Variants in NPNT observed in about 807,000 individuals in gnomAD.
NPNT encodes nephronectin.
Under a neutral mutation model 68.6 loss-of-function variants are expected in NPNT, and 45 were observed. The ratio of observed to expected loss-of-function variants is 0.66; its 90% CI spans 0.52 to 0.84. NPNT has a LOEUF of 0.84. Among genes scored for constraint, NPNT ranks in the 40% least tolerant of loss-of-function variants. The probability of loss-of-function intolerance (pLI) is 0.00; values close to 1 mark genes in which losing one functional copy is unlikely to be tolerated. For missense variants in NPNT, 672 were observed against 714.8 expected (o/e 0.94, Z 0.68); for synonymous variants, 233 against 253.3 (o/e 0.92, Z 0.76).
intron 11 of NPNT, among the ~76,000 whole-genome samples, chr4:105,968,369 A>G (rs1004076278): frequency 6.6e-6 from 1 of 152,272 alleles, no homozygotes; most frequent in Non-Finnish European, 1.5e-5. Context: ...AGGATGCTCT[A>G]TAGAAAATAT....
chr4:105,958,441 AC>A, intron 8 of NPNT, 29 bp from the exon 9 acceptor site: 2 of 1,390,012 alleles, frequency 1.4e-6, no homozygotes, highest in Non-Finnish European at 2.0e-6. Flanking sequence ...ACACACACAC[AC>A]ACAAAAACTC....
At chr4:105,921,663 T>C (rs558292528) in intron 2 of NPNT, among the ~76,000 whole-genome samples, 2 of 152,306 alleles carry the variant, frequency 1.3e-5, no homozygotes, top group South Asian at 4.1e-4. Context: ...TTCTAGGTTT[T>C]GTTCTGCTCA....
chr4:105,967,213 A>C lies in NPNT; in HGVS notation c.1371A>C (p.Ala457=). 6.2e-7 allele frequency: 1 copy of C among 1,613,904 alleles called. No individual in the cohort carries two copies. Among genetic ancestry groups the C allele is most frequent in the South Asian group, 1.1e-5 (1 of 91,064 alleles). Residue 457 remains alanine (A), a synonymous_variant, in exon 11 of 12, where the codon GCA becomes GCC. Coordinates refer to ENST00000379987, the MANE Select transcript of NPNT (RefSeq NM_001033047.3). ...PAGGQYLTVS[A]AKAPGGKAAR... ...GTGGACAATATCTGACAGTGTCGGC[A>C]GCCAAAGCCCCAGGGGGAAAAGCTG...
At chr4:105,951,046 T>C (rs180938341) in intron 8 of NPNT, among the ~76,000 whole-genome samples, 1 of 152,186 alleles carries the variant, frequency 6.6e-6, no homozygotes, top group Admixed American at 6.5e-5. Context: ...ATGTTTCTGA[T>C]CTGCAGTCCC....
At chr4:105,941,552 A>G (rs914904269) in intron 7 of NPNT, among the ~76,000 whole-genome samples, 4 of 152,196 alleles carry the variant, frequency 2.6e-5, no homozygotes, top group Non-Finnish European at 1.5e-5. Flanking sequence ...ACTGAAAACC[A>G]TGGTGCATAA....
intron 3 of NPNT, among the ~76,000 whole-genome samples, chr4:105,934,072 C>G (rs1729331853): frequency 6.6e-6 from 1 of 151,756 alleles, no homozygotes; most frequent in Non-Finnish European, 1.5e-5. Flanking sequence ...ATAAAAACAC[C>G]AAAGTTTTAT....
chr4:105,970,892 C>A lies in NPNT; in HGVS notation c.*1902C>A. 1 of 303,618 alleles carries A rather than the reference C, an allele frequency of 3.3e-6. No individual in the cohort carries two copies. 18.8% of individuals were successfully genotyped at this position (303,618 alleles called of 1,614,324 possible). ...GAGAGGGATTGAAAGGGGAAGAGCCCACCAAATGCTGAGCTCACTGAAATA... is the reference window on the plus strand; with the variant it reads ...GAGAGGGATTGAAAGGGGAAGAGCCAACCAAATGCTGAGCTCACTGAAATA... On this transcript the variant is annotated 3_prime_UTR_variant, in exon 12 of 12. Transcript: ENST00000379987.
In NPNT at chr4:105,895,680, G is replaced by T; in HGVS notation, c.28G>T (p.Val10Leu). 1.9e-6 allele frequency: 3 copies of T among 1,553,612 alleles called. No homozygotes were observed. Among genetic ancestry groups the T allele is most frequent in the Non-Finnish European group, 2.6e-6 (3 of 1,148,214 alleles). Residue 10 changes from valine (V) to leucine (L), a missense_variant, in exon 1 of 12, where the codon GTA (valine) becomes TTA (leucine). By Grantham distance (32) the Val-to-Leu change is conservative. Transcript: ENST00000379987. MDFLLALVLVSSLYLQAAAE... is the reference protein window; with the variant it reads MDFLLALVLLSSLYLQAAAE... ...GGATTTTCTCCTGGCGCTGGTGCTGGTATCCTCGCTCTACCTGCAGGCGGC... is the reference window on the plus strand; with the variant it reads ...GGATTTTCTCCTGGCGCTGGTGCTGTTATCCTCGCTCTACCTGCAGGCGGC...
intron 3 of NPNT, among the ~76,000 whole-genome samples, chr4:105,935,326 C>T (rs1729416736): frequency 6.6e-6 from 1 of 152,214 alleles, no homozygotes. Flanking sequence ...GCTATAATAT[C>T]AAGAAGATTT....
intron 3 of NPNT, 88 bp from the exon 4 acceptor site, chr4:105,936,921 C>T: frequency 1.5e-6 from 2 of 1,344,642 alleles, no homozygotes; most frequent in Admixed American, 2.8e-5. Context: ...TTTTCTCTTT[C>T]ATTTTTTAAT....
At chr4:105,927,519 G>C in intron 3 of NPNT, 91 bp downstream of exon 3, 1 of 635,298 alleles carries the variant, frequency 1.6e-6, no homozygotes, top group Non-Finnish European at 2.6e-6. Context: ...ACTTTCCATG[G>C]CTATTTTTCC....
chr4:105,900,123 A>G (rs915739375), intron 2 of NPNT, among the ~76,000 whole-genome samples: 12 of 152,240 alleles, frequency 7.9e-5, no homozygotes, highest in African/African-American at 2.9e-4. Flanking sequence ...AATGTGAGAA[A>G]TGTTTTTGCC....
intron 2 of NPNT, among the ~76,000 whole-genome samples, chr4:105,925,995 T>C (rs568077676): frequency 6.6e-6 from 1 of 152,280 alleles, no homozygotes; most frequent in Admixed American, 6.5e-5. Flanking sequence ...CACCTGATTG[T>C]TTCTCACTCT....
intron 11 of NPNT, 148 bp from the exon 12 acceptor site, chr4:105,968,747 T>A: frequency 1.7e-6 from 1 of 571,842 alleles, no homozygotes; most frequent in Non-Finnish European, 3.2e-6. Context: ...GAAGCTTCAG[T>A]GATACTGGCA....
At position 105,970,614 on chromosome 4, in the gene NPNT, C is replaced by T. The variant is rs1220720454; in HGVS notation, c.*1624C>T. On this transcript the variant is annotated 3_prime_UTR_variant, in exon 12 of 12. Transcript: ENST00000379987. ...TAGAGTATAAGGGAGCATTTCTTGG[C>T]AGGGGCCATTGTTAGAATACTTCAT... 1.5e-6 allele frequency: 1 copy of T among 659,762 alleles called. No individual in the cohort carries two copies. Among genetic ancestry groups the T allele is most frequent in the African/African-American group, 1.8e-5 (1 of 56,416 alleles). 40.9% of individuals were successfully genotyped at this position (659,762 alleles called of 1,614,324 possible).
intron 3 of NPNT, among the ~76,000 whole-genome samples, chr4:105,933,853 T>C (rs1729314488): frequency 6.6e-6 from 1 of 152,180 alleles, no homozygotes; most frequent in Admixed American, 6.5e-5. Context: ...CCTACTGAAA[T>C]GTATTCCTGA....
At chr4:105,920,416 A>C (rs920501641) in intron 2 of NPNT, among the ~76,000 whole-genome samples, 4 of 151,434 alleles carry the variant, frequency 2.6e-5, no homozygotes, top group Non-Finnish European at 5.9e-5. Flanking sequence ...AAAAAAAAAA[A>C]AAACTTCACA....
rs772715553 is a variant in NPNT, at chr4:105,958,915, G to A, written c.1247-113G>A. 7 of 685,388 alleles carry A rather than the reference G, an allele frequency of 1.0e-5. No homozygotes were observed. In the Admixed American group the frequency reaches 1.2e-4, roughly 11 times the overall value. The allele number at this position is 685,388 out of a possible 1,614,324, so 42.5% of individuals were successfully genotyped here. On this transcript the variant is annotated intron_variant, in intron 9 of 11. Coordinates refer to ENST00000379987, the MANE Select transcript of NPNT (RefSeq NM_001033047.3). The stretch of plus-strand genomic sequence containing the variant: ...TTTGGTCTTATGGAAAGAAGCTCTG[G>A]TTATATGGATAGGAGAGAACACTTG...
chr4:105,895,789 C>A, intron 1 of NPNT, 66 bp downstream of exon 1: 1 of 1,370,038 alleles, frequency 7.3e-7, no homozygotes, highest in Non-Finnish European at 1.0e-6. Flanking sequence ...TGTCTTGGGT[C>A]ACTTTTCCCC....
Sources: allele counts gnomAD v4.1 joint callset (sites outside exome capture counted in the v4.1 genomes callset), GRCh38; gene constraint gnomAD v4.1.1; transcripts MANE v1.5; gene names NCBI Gene and HGNC (gene_info 2026-07-23, HGNC 2026-07-21).